DCAF1: variants seen among roughly 807,000 people sequenced by gnomAD.
DCAF1 encodes the protein DDB1- and CUL4-associated factor 1.
DCAF1 carries 15 observed loss-of-function variants against 128.0 expected under a neutral mutation model. That is an observed-to-expected ratio of 0.12 (90% confidence interval 0.08 to 0.18). The LOEUF is 0.18. Ranked by LOEUF, DCAF1 falls within the 10% of genes least tolerant of loss-of-function variation. DCAF1 has a pLI of 1.00. For missense variants in DCAF1, 988 were observed against 1,649.5 expected, an observed-to-expected ratio of 0.60 and a Z score of 6.95; for synonymous variants, 610 against 603.0, an observed-to-expected ratio of 1.01 and a Z score of -0.17.
chr3:51,483,939 T>A, intron 2 of DCAF1, 103 bp from the exon 3 acceptor site: 1 of 806,312 alleles, frequency 1.2e-6, no homozygotes, highest in Non-Finnish European at 2.1e-6. Context: ...AGAGAAAAAA[T>A]TAAAAAGGGA....
chr3:51,417,821 A>G (rs1408468860), intron 17 of DCAF1, among the ~76,000 whole-genome samples: 1 of 151,020 alleles, frequency 6.6e-6, no homozygotes, highest in East Asian at 2.0e-4. Flanking sequence ...GGGAGGGGAG[A>G]GGAGAGGAGA....
chr3:51,418,374 C>T (rs1202490437), intron 16 of DCAF1, among the ~76,000 whole-genome samples, 176 bp from the exon 17 acceptor site: 6 of 152,174 alleles, frequency 3.9e-5, no homozygotes, highest in African/African-American at 1.2e-4. Context: ...AATACATACA[C>T]CTATAGTGTC....
Position 51,420,236 on chromosome 3 carries a change from G to A in DCAF1, c.2734C>T (p.Arg912Cys), listed in dbSNP as rs782593092. The A allele has an allele frequency of 4.3e-6, 7 of 1,613,904 alleles. No individual in the cohort carries two copies. The highest frequency in any genetic ancestry group is 5.9e-6 in the Non-Finnish European group (7 of 1,179,906). The change falls in exon 15 of 25, where the codon CGT becomes TGT. Residue 912 changes from arginine (R) to cysteine (C), a missense_variant. Around this residue, in one of 11 missense-constraint regions of DCAF1, gnomAD observed 88 missense variants for 107.7 expected, o/e 0.82. Transcript: ENST00000684031. The surrounding 1 kb of genome is among the most constrained non-coding windows in gnomAD (Gnocchi z 6.5). ...CCCACAGCAGCATGGCTGCCCAGAC[G>A]AGTTGCAATGCCATTAGCGATACGA... The part of the protein sequence containing the change: ...TPRIANGIAT[R>C]LGSHAAVGAS...
chr3:51,484,667 C>T (rs1553654439), intron 2 of DCAF1, among the ~76,000 whole-genome samples: 1 of 150,868 alleles, frequency 6.6e-6, no homozygotes, highest in African/African-American at 2.4e-5. Flanking sequence ...ATGGCACACT[C>T]CTGTTTAATT....
chr3:51,434,937 T>C (rs1577132443), intron 9 of DCAF1, among the ~76,000 whole-genome samples: 1 of 152,108 alleles, frequency 6.6e-6, no homozygotes, highest in African/African-American at 2.4e-5. Context: ...CTGTTTCCCA[T>C]GCCAAGGTGT....
At chr3:51,500,348 T>C (rs1316794062), upstream of DCAF1, among the ~76,000 whole-genome samples, 2 of 152,096 alleles carry the variant, frequency 1.3e-5, no homozygotes, top group African/African-American at 4.8e-5. Context: ...CCAATCCTTC[T>C]AAGACAGTAC....
At chr3:51,504,392 G>C (rs768311627), upstream of DCAF1, among the ~76,000 whole-genome samples, 3 of 151,952 alleles carry the variant, frequency 2.0e-5, no homozygotes, top group Non-Finnish European at 2.9e-5. Flanking sequence ...TCTGTCCCCA[G>C]GCTGGAGTGC....
intron 2 of DCAF1, among the ~76,000 whole-genome samples, chr3:51,492,723 G>A (rs923697487): frequency 7.2e-5 from 11 of 152,068 alleles, no homozygotes; most frequent in East Asian, 1.9e-4. Flanking sequence ...CCCCGGGCGC[G>A]GTGGCTCATG....
intron 3 of DCAF1, among the ~76,000 whole-genome samples, chr3:51,475,028 C>T (rs74924256): frequency 0.072 from 10,999 of 151,870 alleles, 958 homozygotes; most frequent in East Asian, 0.33. Context: ...CATGATCCAC[C>T]TGCCTCGGCT....
In DCAF1 at chr3:51,400,064, A is replaced by G. The variant is rs868935854; in HGVS notation, c.4466-1237T>C. 5.2e-5 allele frequency among the ~76,000 whole-genome samples: 8 copies of G among 152,384 alleles called. No individual in the cohort carries two copies. The South Asian group carries it at 1.4e-3, about 28-fold the overall frequency. ...CCAAGAAAAGCATGGCAATGATACA[A>G]AAAAGTCTGGAAGTAAGCAAAAGAA... On this transcript the variant is annotated intron_variant, in intron 24 of 24. Coordinates refer to ENST00000684031, the MANE Select transcript of DCAF1 (RefSeq NM_001387579.1).
intron 4 of DCAF1, among the ~76,000 whole-genome samples, chr3:51,470,460 A>G (rs1365913645): frequency 2.0e-5 from 3 of 152,056 alleles, no homozygotes; most frequent in African/African-American, 7.2e-5. Flanking sequence ...CCAGCTACTC[A>G]AGAGGCTGAG....
chr3:51,491,068 G>A (rs1707583885), intron 2 of DCAF1, among the ~76,000 whole-genome samples: 1 of 150,798 alleles, frequency 6.6e-6, no homozygotes, highest in African/African-American at 2.4e-5. Flanking sequence ...ACAAAGTCGG[G>A]GTCAGGCGCA....
chr3:51,487,335 T>C (rs1553655926), intron 2 of DCAF1, among the ~76,000 whole-genome samples: 1 of 152,184 alleles, frequency 6.6e-6, no homozygotes, highest in Non-Finnish European at 1.5e-5. Context: ...GTACACAGTG[T>C]TCCCACATAC....
intron 4 of DCAF1, among the ~76,000 whole-genome samples, chr3:51,470,210 G>A (rs1704578725): frequency 2.0e-5 from 3 of 152,034 alleles, no homozygotes; most frequent in South Asian, 4.1e-4. Flanking sequence ...ATTATTTAGA[G>A]GATAATTATT....
intron 1 of DCAF1, among the ~76,000 whole-genome samples, chr3:51,497,920 G>A (rs1424341978): frequency 6.6e-6 from 1 of 151,018 alleles, no homozygotes; most frequent in African/African-American, 2.4e-5. Context: ...CGTGGTGGCA[G>A]GCACCAGTAA....
chr3:51,477,602 T>TG (rs1553651107), intron 3 of DCAF1, among the ~76,000 whole-genome samples: 4 of 151,640 alleles, frequency 2.6e-5, no homozygotes, highest in African/African-American at 7.3e-5. Flanking sequence ...ACTCCAGCCT[T>TG]GGGGGGAAAA....
At chr3:51,446,963 A>AAAAAATAAT (rs377427485) in intron 6 of DCAF1, among the ~76,000 whole-genome samples, 1 of 136,990 alleles carries the variant, frequency 7.3e-6, no homozygotes, top group South Asian at 2.3e-4. Flanking sequence ...TTTGTCTCAA[A>AAAAAATAAT]AATAATAATA....
At chr3:51,492,054 G>T (rs1263318614) in intron 2 of DCAF1, among the ~76,000 whole-genome samples, 3 of 151,792 alleles carry the variant, frequency 2.0e-5, no homozygotes, top group African/African-American at 4.8e-5. Context: ...TACTCGGGGG[G>T]GCTGAGGGAG....
chr3:51,446,935 G>A (rs2107765216), intron 6 of DCAF1, among the ~76,000 whole-genome samples: 1 of 135,376 alleles, frequency 7.4e-6, no homozygotes, highest in East Asian at 2.2e-4. Context: ...GCTCCAGCCT[G>A]GCCAACAAGA....
Sources: gnomAD v4.1 joint callset for allele counts (sites outside exome capture counted in the v4.1 genomes callset) on GRCh38, gnomAD v4.1.1 for gene constraint, gnomAD v4.1.1 regional missense constraint, Gnocchi (gnomAD v3.1) non-coding constraint, MANE v1.5 for transcripts, NCBI Gene and HGNC (gene_info 2026-07-23, HGNC 2026-07-21) for gene names.